EDNRB: variants seen among roughly 807,000 people sequenced by gnomAD.
The protein encoded by EDNRB is endothelin receptor type B, also known as Hirschsprung disease 2.
A neutral mutation model predicts 46.4 loss-of-function variants in EDNRB; 18 were observed. That is an observed-to-expected ratio of 0.39 (90% CI 0.27 to 0.57). The LOEUF is 0.57. Among genes scored for constraint, EDNRB ranks in the 20% least tolerant of loss-of-function variants. The probability of loss-of-function intolerance (pLI) is 0.61; values close to 1 mark genes in which losing one functional copy is unlikely to be tolerated. For missense variants in EDNRB, 434 were observed against 537.5 expected, an observed-to-expected ratio of 0.81 and a Z score of 1.90; for synonymous variants, 213 against 204.9, an observed-to-expected ratio of 1.04 and a Z score of -0.34.
upstream of EDNRB, among the ~76,000 whole-genome samples, chr13:77,923,799 A>C (rs1880155201): frequency 6.6e-6 from 1 of 151,734 alleles, no homozygotes. Context: ...TTTTTAAAGA[A>C]AGTAAAAGTT....
In EDNRB at chr13:77,899,899, G is replaced by A; in HGVS notation, c.1154C>T (p.Ala385Val). 1 of 1,611,914 alleles carries A rather than the reference G, an allele frequency of 6.2e-7. No individual in the cohort carries two copies. The highest frequency in any genetic ancestry group is 8.5e-7 in the Non-Finnish European group (1 of 1,178,744). Residue 385 changes from alanine to valine, a missense_variant, in exon 6 of 7, where the codon GCT becomes GTT. Coordinates refer to ENST00000646607, the MANE Select transcript of EDNRB (RefSeq NM_001122659.3). ...GAATCTTTTGCTCACCAAATACAGAGCAATTGGGTTAATGCAGGAATTCAG... is the reference window on the plus strand; with the variant it reads ...GAATCTTTTGCTCACCAAATACAGAACAATTGGGTTAATGCAGGAATTCAG... The part of the protein sequence containing the change: ...ASLNSCINPI[A>V]LYLVSKRFKN...
At chr13:77,904,482 A>G (rs1879172491) in intron 1 of EDNRB, among the ~76,000 whole-genome samples, 1 of 151,948 alleles carries the variant, frequency 6.6e-6, no homozygotes, top group Non-Finnish European at 1.5e-5. Context: ...GACACATAGC[A>G]GATGTTTAAT....
chr13:77,897,200 A>G lies in EDNRB; in HGVS notation c.*1000T>C. ...AGGTCACTGGCATCTCTCCATCGTA[A>G]AGCTATGAGCACAGGGCCTGCCCTC... On this transcript the variant is annotated 3_prime_UTR_variant, in exon 7 of 7. Transcript: ENST00000646607. 2 of 985,338 alleles carry G rather than the reference A, an allele frequency of 2.0e-6. No homozygotes were observed. The allele number at this position is 985,338 out of a possible 1,614,324, so 61.0% of individuals were successfully genotyped here.
rs564095417 is a variant in EDNRB at position 77,961,960 on chromosome 13, C to T, written c.-52+13387G>A. The stretch of plus-strand genomic sequence containing the variant: ...TGATAAAGGGGATATCACCACCAAT[C>T]CCACAGAAATACAAACTACCATCAG... On this transcript the variant is annotated intron_variant, in intron 1 of 7. Coordinates refer to the EDNRB transcript ENST00000646948. 2.6e-5 allele frequency among the ~76,000 whole-genome samples: 4 copies of T among 152,246 alleles called. No individual in the cohort carries two copies. The East Asian group carries it at 7.7e-4, about 29-fold the overall frequency.
chr13:77,961,020 A>G (rs1342227930), intron 1 of EDNRB, among the ~76,000 whole-genome samples: 1 of 152,222 alleles, frequency 6.6e-6, no homozygotes, highest in African/African-American at 2.4e-5. Flanking sequence ...TGCACCCAGT[A>G]CAGGAGCACC....
chr13:77,920,525 G>A (rs188331485), upstream of EDNRB, among the ~76,000 whole-genome samples: 113 of 152,274 alleles, frequency 7.4e-4, 3 homozygotes, highest in Non-Finnish European at 3.5e-4. Flanking sequence ...GTTAGTTAAT[G>A]GAATAGATGG....
At chr13:77,934,292 T>C (rs1880490209) in intron 1 of EDNRB, among the ~76,000 whole-genome samples, 1 of 152,218 alleles carries the variant, frequency 6.6e-6, no homozygotes, top group Non-Finnish European at 1.5e-5. Context: ...GCAGTCCTTT[T>C]TAAGTTGGTG....
chr13:77,954,008 C>A (rs932131902), intron 1 of EDNRB, among the ~76,000 whole-genome samples: 1 of 152,122 alleles, frequency 6.6e-6, no homozygotes, highest in Non-Finnish European at 1.5e-5. Context: ...TGATGAACCC[C>A]AATCACTCAA....
rs186730848 is a variant in EDNRB at position 77,959,759 on chromosome 13, G to A, written c.-52+15588C>T. On this transcript the variant is annotated intron_variant, in intron 1 of 7. Coordinates refer to the EDNRB transcript ENST00000646948. ...TTCTCCGAGCTAAAGGAGGAAGTTC[G>A]AACCCATCATACAGAAGCTAAAAAC... Among the ~76,000 whole-genome samples the A allele has an allele frequency of 2.6e-4, 40 of 152,278 alleles. 1 individual carries two copies. The highest frequency in any genetic ancestry group is 9.1e-4 in the African/African-American group (38 of 41,548).
At chr13:77,902,907 A>G (rs191287637) in intron 3 of EDNRB, among the ~76,000 whole-genome samples, 3 of 152,022 alleles carry the variant, frequency 2.0e-5, no homozygotes, top group East Asian at 3.9e-4. Context: ...ATTCACATCA[A>G]TTCTTTCATG....
intron 1 of EDNRB, among the ~76,000 whole-genome samples, chr13:77,941,851 C>T (rs1040044309): frequency 6.6e-6 from 1 of 152,070 alleles, no homozygotes; most frequent in African/African-American, 2.4e-5. Flanking sequence ...TATACAGTAC[C>T]ATTTTGAGTA....
chr13:77,905,891 G>GT lies in EDNRB; in HGVS notation c.484-2285_484-2284insA, dbSNP rs1289784690. ...TGCATGGAAAATGAAGTTGTAGAGG[G>GT]AAGAATTTGAATGCTTTTTTTGAGG... On this transcript the variant is annotated intron_variant, in intron 1 of 6. Transcript: ENST00000646607. 2.0e-5 allele frequency among the ~76,000 whole-genome samples: 3 copies of GT among 152,068 alleles called. No homozygotes were observed. In the East Asian group the frequency reaches 5.8e-4, roughly 30 times the overall value.
At chr13:77,968,542 A>G (rs868725525) in intron 1 of EDNRB, among the ~76,000 whole-genome samples, 1 of 152,210 alleles carries the variant, frequency 6.6e-6, no homozygotes, top group African/African-American at 2.4e-5. Flanking sequence ...GTTGAACAAG[A>G]CAGACACGTT....
intron 1 of EDNRB, among the ~76,000 whole-genome samples, chr13:77,972,025 C>T (rs1881750753): frequency 6.6e-6 from 1 of 152,160 alleles, no homozygotes; most frequent in African/African-American, 2.4e-5. Context: ...TTCAGGTCTC[C>T]AAGGGATGCT....
intron 3 of EDNRB, among the ~76,000 whole-genome samples, chr13:77,902,761 G>A (rs773682166): frequency 5.3e-5 from 8 of 151,978 alleles, no homozygotes; most frequent in Non-Finnish European, 1.0e-4. Flanking sequence ...GTGTGCTCTC[G>A]CCATTGCTCC....
chr13:77,963,995 A>G (rs1881505139), intron 1 of EDNRB, among the ~76,000 whole-genome samples: 1 of 152,248 alleles, frequency 6.6e-6, no homozygotes, highest in South Asian at 2.1e-4. Context: ...GAAGACATTT[A>G]TGCAGCCAAC....
chr13:77,918,746 T>G lies in EDNRB; in HGVS notation c.-173A>C. On this transcript the variant is annotated 5_prime_UTR_variant, in exon 1 of 7. Transcript: ENST00000646607. The surrounding 1 kb of genome is among the most constrained non-coding windows in gnomAD (Gnocchi z 4.5). ...TATCCACGCTCAAAAGTAACTCAAG[T>G]TTGCGCGCCAGTGGGAAACTTGGCG... The G allele has an allele frequency of 7.5e-7, 1 of 1,327,744 alleles. No homozygotes were observed. The highest frequency in any genetic ancestry group is 2.3e-5 in the South Asian group (1 of 43,078). 82.2% of individuals were successfully genotyped at this position (1,327,744 alleles called of 1,614,324 possible).
At chr13:77,957,646 A>G (rs764036373) in intron 1 of EDNRB, among the ~76,000 whole-genome samples, 5 of 152,216 alleles carry the variant, frequency 3.3e-5, no homozygotes, top group Non-Finnish European at 7.3e-5. Context: ...TAAACAGATA[A>G]TAATTGTTGA....
chr13:77,963,348 T>C (rs1241570816), intron 1 of EDNRB, among the ~76,000 whole-genome samples: 2 of 152,076 alleles, frequency 1.3e-5, no homozygotes, highest in African/African-American at 2.4e-5. Context: ...CTGGAGGCAT[T>C]ATGCTACCTG....
Sources: allele counts gnomAD v4.1 joint callset (sites outside exome capture counted in the v4.1 genomes callset), GRCh38; gene constraint gnomAD v4.1.1; non-coding constraint Gnocchi (gnomAD v3.1); transcripts MANE v1.5; gene names NCBI Gene and HGNC (gene_info 2026-07-23, HGNC 2026-07-21).